The following GPATCH8 variants were observed in gnomAD, a reference collection of about 807,000 sequenced individuals.
GPATCH8 encodes the protein G-patch domain containing 8, also known as G patch domain-containing protein 8.
In GPATCH8, 18 loss-of-function variants were observed where a neutral mutation model predicts 118.3. The ratio of observed to expected loss-of-function variants is 0.15; its 90% CI spans 0.11 to 0.23. The LOEUF (loss-of-function observed/expected upper bound fraction) is 0.23. GPATCH8 is among the 10% of genes least tolerant of loss of function. GPATCH8 has a pLI of 1.00. For synonymous variants in GPATCH8, 659 were observed against 684.7 expected (o/e 0.96, Z 0.59); for missense variants, 1,631 against 1,873.8 (o/e 0.87, Z 2.39).
intron 3 of GPATCH8, among the ~76,000 whole-genome samples, chr17:44,463,057 TTC>T (rs2051624216): frequency 6.6e-6 from 1 of 151,958 alleles, no homozygotes; most frequent in Admixed American, 6.6e-5. Flanking sequence ...TCCTCCTGGT[TTC>T]TCTCTTTTTA....
intron 3 of GPATCH8, among the ~76,000 whole-genome samples, chr17:44,453,498 G>GTGC (rs1298562128): frequency 7.7e-6 from 1 of 130,092 alleles, no homozygotes; most frequent in Non-Finnish European, 1.6e-5. Flanking sequence ...TAGGTAGGTA[G>GTGC]GGGTGTGTGT....
intron 3 of GPATCH8, among the ~76,000 whole-genome samples, chr17:44,442,760 G>A (rs889600226): frequency 2.6e-5 from 4 of 152,098 alleles, no homozygotes; most frequent in Admixed American, 1.3e-4. Context: ...CAATGAGCCC[G>A]GCCTAAAATC....
intron 4 of GPATCH8, 126 bp downstream of exon 4, chr17:44,436,352 A>T: frequency 7.2e-6 from 5 of 696,450 alleles, no homozygotes; most frequent in Non-Finnish European, 1.3e-5. Flanking sequence ...TTTTTTAGTC[A>T]TCCAAAGAAA....
At chr17:44,439,204 T>C (rs1322545130) in intron 3 of GPATCH8, among the ~76,000 whole-genome samples, 2 of 152,160 alleles carry the variant, frequency 1.3e-5, no homozygotes, top group Non-Finnish European at 2.9e-5. Context: ...TATAAAACAA[T>C]TAAGCAGTCT....
At chr17:44,498,448 A>G (rs1969824229) in intron 1 of GPATCH8, among the ~76,000 whole-genome samples, 1 of 152,190 alleles carries the variant, frequency 6.6e-6, no homozygotes, top group African/African-American at 2.4e-5. Context: ...TGTCCTTGAT[A>G]TGTCCCACAT....
At chr17:44,500,485 A>T (rs778568567) in intron 1 of GPATCH8, among the ~76,000 whole-genome samples, 1 of 152,244 alleles carries the variant, frequency 6.6e-6, no homozygotes, top group African/African-American at 2.4e-5. Flanking sequence ...ACTGTTAACT[A>T]TAACTTTTCA....
chr17:44,428,365 C>T (rs2050165509), intron 5 of GPATCH8, among the ~76,000 whole-genome samples: 1 of 151,572 alleles, frequency 6.6e-6, no homozygotes, highest in African/African-American at 2.4e-5. Flanking sequence ...TGGTGGTGGG[C>T]GCCTGTAATC....
chr17:44,450,741 T>G (rs1021001313), intron 3 of GPATCH8, among the ~76,000 whole-genome samples: 4 of 152,170 alleles, frequency 2.6e-5, no homozygotes, highest in Admixed American at 1.3e-4. Flanking sequence ...TCTTATCATT[T>G]TCAGATTTCA....
At chr17:44,464,946 T>C in intron 2 of GPATCH8, 2 of 174,434 alleles carry the variant, frequency 1.1e-5, no homozygotes, top group Non-Finnish European at 2.4e-5. Flanking sequence ...TTTTTTTTTT[T>C]AAAGAAAATC....
chr17:44,455,970 C>T (rs1045325077), intron 3 of GPATCH8, among the ~76,000 whole-genome samples: 11 of 152,206 alleles, frequency 7.2e-5, no homozygotes, highest in African/African-American at 2.7e-4. Flanking sequence ...TAGTCTCGAA[C>T]TCCTGAACTT....
At chr17:44,473,260 G>T (rs62078764) in intron 2 of GPATCH8, 1 of 151,392 alleles carries the variant, frequency 6.6e-6, no homozygotes, top group Non-Finnish European at 1.5e-5. Flanking sequence ...TCAGCCTCCC[G>T]AGTAGCTGGG....
chr17:44,478,453 TCAACTTGGGCAA>T (rs1270486357), intron 1 of GPATCH8, among the ~76,000 whole-genome samples: 1 of 151,912 alleles, frequency 6.6e-6, no homozygotes, highest in Non-Finnish European at 1.5e-5. Context: ...AAGTTGGACA[TCAACTTGGGCAA>T]CATAGCGAGC....
intron 3 of GPATCH8, among the ~76,000 whole-genome samples, chr17:44,456,013 C>T (rs777160533): frequency 6.6e-6 from 1 of 152,210 alleles, no homozygotes; most frequent in East Asian, 1.9e-4. Flanking sequence ...TCCCAAAGTG[C>T]TGGGATTACA....
In GPATCH8 at chr17:44,459,640, G is replaced by T. The variant is rs114485985; in HGVS notation, c.193+4832C>A. Among the ~76,000 whole-genome samples the T allele has an allele frequency of 5.6e-3, 845 of 152,070 alleles. 6 individuals are homozygous for T. The highest frequency in any genetic ancestry group is 0.02 in the African/African-American group (820 of 41,472). The stretch of plus-strand genomic sequence containing the variant: ...AATTTTTTAATTAAATATTCAGACT[G>T]ATCACATACTTAATTTAAGTATGAA... On this transcript the variant is annotated intron_variant, in intron 3 of 7. Transcript: ENST00000591680.
chr17:44,455,299 C>T (rs572781082), intron 3 of GPATCH8, among the ~76,000 whole-genome samples: 97 of 152,052 alleles, frequency 6.4e-4, no homozygotes, highest in African/African-American at 2.3e-3. Flanking sequence ...TTCGGGAGTT[C>T]GAGACCAGCC....
chr17:44,414,797 T>C (rs2049614712), intron 6 of GPATCH8, among the ~76,000 whole-genome samples: 1 of 152,236 alleles, frequency 6.6e-6, no homozygotes, highest in Non-Finnish European at 1.5e-5. Context: ...TCTCTATACA[T>C]TTGTTTATTC....
rs189096167 is a variant in GPATCH8 at position 44,499,679 on chromosome 17, G to A, written c.45+3647C>T. 5.9e-5 allele frequency among the ~76,000 whole-genome samples: 9 copies of A among 152,222 alleles called. No individual in the cohort carries two copies. In the East Asian group the frequency reaches 1.7e-3, roughly 29 times the overall value. ...CTGTACAAACAAAACTTTCTTTAATGAACCTGTAATCCAAAGTGTTGATTA... is the reference window on the plus strand; with the variant it reads ...CTGTACAAACAAAACTTTCTTTAATAAACCTGTAATCCAAAGTGTTGATTA... On this transcript the variant is annotated intron_variant, in intron 1 of 7. Transcript: ENST00000591680.
intron 6 of GPATCH8, among the ~76,000 whole-genome samples, chr17:44,418,328 A>G (rs542204401): frequency 1.3e-5 from 2 of 152,254 alleles, no homozygotes; most frequent in Non-Finnish European, 2.9e-5. Context: ...CCATCAGCAG[A>G]CAAATTTTTT....
intron 3 of GPATCH8, among the ~76,000 whole-genome samples, chr17:44,442,909 C>T (rs2050752589): frequency 6.6e-6 from 1 of 152,132 alleles, no homozygotes. Flanking sequence ...AAGACTCTGT[C>T]TCTCCAAAAA....
Sources: gnomAD v4.1 joint callset for allele counts (sites outside exome capture counted in the v4.1 genomes callset) on GRCh38, gnomAD v4.1.1 for gene constraint, MANE v1.5 for transcripts, NCBI Gene and HGNC (gene_info 2026-07-23, HGNC 2026-07-21) for gene names.